Variants in MYRIP observed in about 807,000 individuals in gnomAD.
MYRIP encodes the protein myosin VIIA and Rab interacting protein.
A neutral mutation model predicts 98.0 loss-of-function variants in MYRIP; 49 were observed. The observed-to-expected ratio is 0.50, with a 90% CI of 0.40 to 0.63. The LOEUF (loss-of-function observed/expected upper bound fraction) is 0.63, where lower values mean the gene tolerates loss of function less well. Ranked by LOEUF, MYRIP falls within the 30% of genes least tolerant of loss-of-function variation. The pLI, the probability that MYRIP is intolerant of heterozygous loss-of-function variation, is 0.00. For missense variants in MYRIP, 1,004 were observed against 1,058.2 expected, an observed-to-expected ratio of 0.95 and a Z score of 0.71; for synonymous variants, 404 against 409.5, an observed-to-expected ratio of 0.99 and a Z score of 0.16.
intron 2 of MYRIP, among the ~76,000 whole-genome samples, chr3:39,951,051 G>A (rs1945001828): frequency 6.6e-6 from 1 of 152,118 alleles, no homozygotes; most frequent in Non-Finnish European, 1.5e-5. Flanking sequence ...GAGAAACAGT[G>A]GCCATATGGG....
At chr3:39,888,122 C>T (rs1443076183) in intron 1 of MYRIP, among the ~76,000 whole-genome samples, 1 of 152,032 alleles carries the variant, frequency 6.6e-6, no homozygotes. Context: ...TTTACAGATT[C>T]AATGCCATCC....
At chr3:39,956,716 T>C (rs1381412104) in intron 2 of MYRIP, among the ~76,000 whole-genome samples, 2 of 149,406 alleles carry the variant, frequency 1.3e-5, no homozygotes, top group African/African-American at 5.1e-5. Flanking sequence ...CAAAAAACCC[T>C]TCAAAAAATC....
intron 1 of MYRIP, among the ~76,000 whole-genome samples, chr3:39,827,392 C>T (rs1334733067): frequency 2.6e-5 from 4 of 152,280 alleles, no homozygotes; most frequent in Middle Eastern, 3.4e-3. Context: ...AGTTTATAGG[C>T]GTGAGCCACC....
chr3:40,156,015 T>C (rs1950228179), intron 4 of MYRIP, among the ~76,000 whole-genome samples: 1 of 152,150 alleles, frequency 6.6e-6, no homozygotes, highest in East Asian at 1.9e-4. Flanking sequence ...CATTTGTCAA[T>C]TTTGTCTTTT....
chr3:40,162,428 T>A (rs1178099212), intron 4 of MYRIP, among the ~76,000 whole-genome samples: 1 of 152,224 alleles, frequency 6.6e-6, no homozygotes, highest in Non-Finnish European at 1.5e-5. Context: ...GAATTGACCT[T>A]ACATCTCTCA....
intron 3 of MYRIP, among the ~76,000 whole-genome samples, chr3:40,083,298 T>C (rs1026652057): frequency 2.0e-5 from 3 of 152,208 alleles, no homozygotes; most frequent in African/African-American, 7.2e-5. Context: ...TGTGGCATTA[T>C]AGTTCCTCTT....
intron 11 of MYRIP, among the ~76,000 whole-genome samples, chr3:40,222,358 C>T (rs1261899147): frequency 6.6e-6 from 1 of 152,140 alleles, no homozygotes; most frequent in Non-Finnish European, 1.5e-5. Flanking sequence ...GGTAAACTGA[C>T]ATAGCACACT....
At chr3:40,204,000 T>TA (rs1951681654) in intron 10 of MYRIP, among the ~76,000 whole-genome samples, 2 of 664 alleles carry the variant, frequency 3.0e-3, no homozygotes, top group African/African-American at 4.7e-3. Flanking sequence ...ATTATATATA[T>TA]TATATATTAT....
At chr3:40,118,587 ATTTATT>A (rs1949330246) in intron 3 of MYRIP, among the ~76,000 whole-genome samples, 1 of 148,114 alleles carries the variant, frequency 6.8e-6, no homozygotes, top group Non-Finnish European at 1.5e-5. Flanking sequence ...TTATTTATTT[ATTTATT>A]TTTCTTTTCT....
chr3:39,960,907 T>A (rs1945307548), intron 2 of MYRIP, among the ~76,000 whole-genome samples: 1 of 152,140 alleles, frequency 6.6e-6, no homozygotes, highest in South Asian at 2.1e-4. Context: ...CTCATGAGTG[T>A]TGTGCTGTGC....
intron 3 of MYRIP, among the ~76,000 whole-genome samples, chr3:40,134,560 G>C (rs1013843620): frequency 3.9e-5 from 6 of 152,238 alleles, no homozygotes; most frequent in African/African-American, 1.4e-4. Context: ...TGCAGCTTGA[G>C]ATCTGAGAAC....
At chr3:40,068,506 C>T (rs1006469869) in intron 3 of MYRIP, among the ~76,000 whole-genome samples, 1 of 152,178 alleles carries the variant, frequency 6.6e-6, no homozygotes, top group African/African-American at 2.4e-5. Flanking sequence ...ATATAGTTTT[C>T]TTCCAGCAAA....
At chr3:39,882,723 T>C (rs943616177) in intron 1 of MYRIP, among the ~76,000 whole-genome samples, 1 of 152,110 alleles carries the variant, frequency 6.6e-6, no homozygotes, top group African/African-American at 2.4e-5. Flanking sequence ...AATACATTAG[T>C]TAAATATGCA....
chr3:39,924,748 T>G (rs889377651), intron 2 of MYRIP, among the ~76,000 whole-genome samples: 4 of 152,062 alleles, frequency 2.6e-5, no homozygotes, highest in African/African-American at 9.7e-5. Flanking sequence ...ATTTAAAACT[T>G]GTGAAATAAT....
intron 3 of MYRIP, among the ~76,000 whole-genome samples, chr3:40,141,905 T>A (rs1386188879): frequency 6.6e-6 from 1 of 152,158 alleles, no homozygotes. Context: ...TTCTTTTTGA[T>A]CAGGATTGCT....
chr3:39,831,857 G>A (rs1249681055), intron 1 of MYRIP, among the ~76,000 whole-genome samples: 1 of 152,162 alleles, frequency 6.6e-6, no homozygotes, highest in Admixed American at 6.5e-5. Context: ...ATTGGACAGT[G>A]CTGGTAGAAC....
chr3:40,209,427 A>G (rs1951863043), intron 10 of MYRIP: 1 of 162,158 alleles, frequency 6.2e-6, no homozygotes. Flanking sequence ...TGTATCAGAT[A>G]TCACATGTAT....
intron 7 of MYRIP, among the ~76,000 whole-genome samples, chr3:40,168,918 C>G (rs1006774548): frequency 6.6e-6 from 1 of 152,204 alleles, no homozygotes; most frequent in Admixed American, 6.5e-5. Flanking sequence ...TCAGTCTTCC[C>G]TTTTGGTCAC....
At chr3:40,247,333 G>A (rs533084016) in intron 13 of MYRIP, among the ~76,000 whole-genome samples, 1 of 151,952 alleles carries the variant, frequency 6.6e-6, no homozygotes, top group Non-Finnish European at 1.5e-5. Flanking sequence ...AATGTTCTGT[G>A]AGCGTTATTT....
Sources: allele counts gnomAD v4.1 joint callset (sites outside exome capture counted in the v4.1 genomes callset), GRCh38; gene constraint gnomAD v4.1.1; transcripts MANE v1.5; gene names NCBI Gene and HGNC (gene_info 2026-07-23, HGNC 2026-07-21).